The following EMC2 variants were observed in gnomAD, a reference collection of about 807,000 sequenced individuals.
EMC2 encodes TPR repeat protein 35.
EMC2 carries 37 observed loss-of-function variants against 51.6 expected under a neutral mutation model. The observed-to-expected ratio is 0.72, with a 90% CI of 0.55 to 0.94. EMC2 has a LOEUF of 0.94. Ranked by LOEUF, EMC2 falls within the 40% of genes least tolerant of loss-of-function variation. The pLI, the probability that EMC2 is intolerant of heterozygous loss-of-function variation, is 0.00. For synonymous variants in EMC2, 131 were observed against 112.4 expected (o/e 1.17, Z -1.04); for missense variants, 359 against 350.9 (o/e 1.02, Z -0.18).
rs1253451064 is a variant in EMC2 at position 108,487,602 on chromosome 8, A to G, written c.*1004A>G. ...TTTAAAATAGCAACTGTTCACCGCAAATATTTATGGTATTTGTTTATAATA... is the reference window on the plus strand; with the variant it reads ...TTTAAAATAGCAACTGTTCACCGCAGATATTTATGGTATTTGTTTATAATA... On this transcript the variant is annotated 3_prime_UTR_variant, in exon 11 of 11. Coordinates refer to ENST00000220853, the MANE Select transcript of EMC2 (RefSeq NM_014673.5). 1.3e-5 allele frequency among the ~76,000 whole-genome samples: 2 copies of G among 151,950 alleles called. No individual in the cohort carries two copies. Among genetic ancestry groups the G allele is most frequent in the African/African-American group, 2.4e-5 (1 of 41,420 alleles).
At chr8:108,446,225 A>G (rs746832440) in intron 1 of EMC2, 11 of 391,366 alleles carry the variant, frequency 2.8e-5, no homozygotes, top group Middle Eastern at 3.7e-4. Flanking sequence ...AAGAACTCCA[A>G]TATTTACTCC....
intron 5 of EMC2, among the ~76,000 whole-genome samples, chr8:108,459,077 C>T (rs1028622186): frequency 6.6e-6 from 1 of 152,194 alleles, no homozygotes; most frequent in South Asian, 2.1e-4. Context: ...TAAAACATAA[C>T]GAGTCACTTT....
At chr8:108,459,199 G>A (rs1563694334) in intron 5 of EMC2, among the ~76,000 whole-genome samples, 1 of 152,202 alleles carries the variant, frequency 6.6e-6, no homozygotes, top group African/African-American at 2.4e-5. Context: ...TCTGTAGGGA[G>A]TTACAAACTT....
intron 6 of EMC2, 31 bp from the exon 7 acceptor site, chr8:108,470,031 C>T: frequency 6.3e-7 from 1 of 1,595,170 alleles, no homozygotes; most frequent in Non-Finnish European, 8.6e-7. Flanking sequence ...AATATCTACA[C>T]ACTTACTTTT....
chr8:108,480,794 C>G (rs1356976668), intron 10 of EMC2, among the ~76,000 whole-genome samples: 1 of 152,040 alleles, frequency 6.6e-6, no homozygotes, highest in Non-Finnish European at 1.5e-5. Flanking sequence ...GAGGTTTTGT[C>G]CTTCTGGAAG....
In EMC2 at chr8:108,456,852, CAT is replaced by C. The variant is rs1333989334; in HGVS notation, c.363+925_363+926del. ...TTTTATGTCATTATTTCCACGCACACATATGCCTGCTAAAAGAAAATAAGTAT... is the reference window on the plus strand; with the variant it reads ...TTTTATGTCATTATTTCCACGCACACATGCCTGCTAAAAGAAAATAAGTAT... On this transcript the variant is annotated intron_variant, in intron 5 of 10. Coordinates refer to ENST00000220853, the MANE Select transcript of EMC2 (RefSeq NM_014673.5). Among the ~76,000 whole-genome samples the C allele has an allele frequency of 6.6e-5, 10 of 152,244 alleles. No homozygotes were observed. The East Asian group carries it at 1.7e-3, about 26-fold the overall frequency.
chr8:108,469,754 A>C (rs1182815311), intron 5 of EMC2, 72 bp from the exon 6 acceptor site: 10 of 1,247,122 alleles, frequency 8.0e-6, no homozygotes, highest in African/African-American at 3.0e-5. Flanking sequence ...TAATTTGCAC[A>C]GTCAAATTAC....
chr8:108,476,236 T>C (rs896436790), intron 8 of EMC2, among the ~76,000 whole-genome samples: 3 of 151,894 alleles, frequency 2.0e-5, no homozygotes, highest in African/African-American at 7.2e-5. Context: ...TTGTCACCAC[T>C]TAATGGCTTG....
rs189940295 is a variant in EMC2, at chr8:108,449,992, T to A, written c.154+56T>A. The A allele has an allele frequency of 2.6e-4, 165 of 634,672 alleles. 2 individuals carry two copies. In the African/African-American group the frequency reaches 2.8e-3, roughly 11 times the overall value. 39.3% of individuals were successfully genotyped at this position (634,672 alleles called of 1,614,324 possible). On this transcript the variant is annotated intron_variant, in intron 2 of 10. Coordinates refer to ENST00000220853, the MANE Select transcript of EMC2 (RefSeq NM_014673.5). ...ACATGCCTCATTCATGGGCCTTTTT[T>A]TTTTTTTAACTGTTCTTTCATTCAT...
intron 5 of EMC2, 53 bp from the exon 6 acceptor site, chr8:108,469,773 C>T: frequency 6.8e-7 from 1 of 1,471,294 alleles, no homozygotes; most frequent in South Asian, 1.2e-5. Flanking sequence ...ACCTTCTTTA[C>T]AAAACCCCAA....
chr8:108,462,200 A>G (rs11992952), intron 5 of EMC2, among the ~76,000 whole-genome samples: 5 of 50,616 alleles, frequency 9.9e-5, no homozygotes, highest in Non-Finnish European at 1.5e-4. Context: ...GTTTGTGTGC[A>G]TGTGTGTGTG....
chr8:108,446,843 C>T (rs1818887832), intron 1 of EMC2, among the ~76,000 whole-genome samples: 1 of 152,132 alleles, frequency 6.6e-6, no homozygotes, highest in South Asian at 2.1e-4. Flanking sequence ...CAGCAGCACT[C>T]AAGAGTGTGG....
chr8:108,464,163 C>G (rs1200783812), intron 5 of EMC2: 1 of 152,228 alleles, frequency 6.6e-6, no homozygotes, highest in Non-Finnish European at 1.5e-5. Context: ...CCACAGTTAA[C>G]ACTCAGCCAG....
intron 1 of EMC2, chr8:108,446,376 C>T: frequency 2.9e-6 from 1 of 344,080 alleles, no homozygotes; most frequent in South Asian, 2.2e-5. Context: ...TAGTAATTTA[C>T]AGATTGAATT....
intron 4 of EMC2, among the ~76,000 whole-genome samples, chr8:108,454,932 C>G (rs71524786): frequency 0.025 from 3,761 of 152,084 alleles, 62 homozygotes; most frequent in South Asian, 0.046. Context: ...GAAGAGAAGT[C>G]TGATATAATT....
At chr8:108,478,343 A>C (rs1174161064) in intron 9 of EMC2, among the ~76,000 whole-genome samples, 1 of 152,062 alleles carries the variant, frequency 6.6e-6, no homozygotes, top group Non-Finnish European at 1.5e-5. Context: ...CCGCTCATTT[A>C]AATACATTTT....
intron 7 of EMC2, among the ~76,000 whole-genome samples, chr8:108,473,501 A>G (rs989305564): frequency 2.0e-5 from 3 of 152,072 alleles, no homozygotes; most frequent in Non-Finnish European, 4.4e-5. Context: ...TGGTTAAGGG[A>G]TACCCAACCT....
chr8:108,450,871 T>C (rs1199709422), intron 3 of EMC2, among the ~76,000 whole-genome samples: 5 of 152,130 alleles, frequency 3.3e-5, no homozygotes, highest in African/African-American at 1.2e-4. Context: ...ATATCTGACA[T>C]AAGAAAATCC....
At chr8:108,485,648 T>C (rs1811125951) in intron 10 of EMC2, among the ~76,000 whole-genome samples, 1 of 149,468 alleles carries the variant, frequency 6.7e-6, no homozygotes, top group South Asian at 2.1e-4. Flanking sequence ...TAAATCAGAC[T>C]GATAAATGAT....
Sources: gnomAD v4.1 joint callset for allele counts (sites outside exome capture counted in the v4.1 genomes callset) on GRCh38, gnomAD v4.1.1 for gene constraint, MANE v1.5 for transcripts, NCBI Gene and HGNC (gene_info 2026-07-23, HGNC 2026-07-21) for gene names.